Variants in TEX11 observed in about 807,000 individuals in gnomAD.
TEX11 encodes testis-expressed protein 11.
In TEX11, 7 loss-of-function variants were observed where a neutral mutation model predicts 84.4. The ratio of observed to expected loss-of-function variants is 0.08; its 90% confidence interval spans 0.05 to 0.16. TEX11 has a LOEUF of 0.16. Among genes scored for constraint, TEX11 ranks in the 10% least tolerant of loss-of-function variants. TEX11 has a pLI of 1.00. For synonymous variants in TEX11, 264 were observed against 222.8 expected, an observed-to-expected ratio of 1.18 and a Z score of -1.64; for missense variants, 551 against 660.5, an observed-to-expected ratio of 0.83 and a Z score of 1.82.
chrX:70,687,179 G>GAC (rs1225401462), intron 13 of TEX11, among the ~76,000 whole-genome samples: 6 of 109,601 alleles, frequency 5.5e-5, no homozygotes, highest in South Asian at 3.9e-4. Flanking sequence ...CACACACACA[G>GAC]ACACACACAC....
intron 11 of TEX11, among the ~76,000 whole-genome samples, chrX:70,727,743 G>A (rs747520339): frequency 8.1e-5 from 9 of 110,691 alleles, no homozygotes; most frequent in Admixed American, 3.8e-4. Flanking sequence ...AGACATGAGA[G>A]AGATGAGAGA....
chrX:70,625,455 C>A (rs1173265159), intron 18 of TEX11, among the ~76,000 whole-genome samples: 1 of 111,607 alleles, frequency 9.0e-6, no homozygotes, highest in African/African-American at 3.3e-5. Flanking sequence ...TAGGTTTCTG[C>A]CAAGGATGCT....
intron 8 of TEX11, among the ~76,000 whole-genome samples, chrX:70,813,688 A>G (rs2091270648): frequency 8.9e-6 from 1 of 111,743 alleles, no homozygotes; most frequent in African/African-American, 3.3e-5. Context: ...ATGATTGTAT[A>G]TCTAGAAAAC....
intron 25 of TEX11, among the ~76,000 whole-genome samples, chrX:70,575,706 T>C (rs745310694): frequency 7.1e-5 from 8 of 111,933 alleles, no homozygotes; most frequent in Non-Finnish European, 1.3e-4. Context: ...AGGTGTTTTG[T>C]TACAGCAGCA....
At chrX:70,802,434 G>A (rs775682581) in intron 9 of TEX11, among the ~76,000 whole-genome samples, 4 of 111,251 alleles carry the variant, frequency 3.6e-5, no homozygotes, top group Non-Finnish European at 7.5e-5. Context: ...CAACTTGATC[G>A]TAGTAATCAT....
chrX:70,543,569 C>T (rs1009610948), intron 28 of TEX11, among the ~76,000 whole-genome samples: 7 of 112,072 alleles, frequency 6.2e-5, no homozygotes, highest in Admixed American at 3.8e-4. Context: ...CCTATTCATC[C>T]GAGAAGACAG....
intron 9 of TEX11, among the ~76,000 whole-genome samples, chrX:70,757,064 T>TA (rs759117977): frequency 9.0e-6 from 1 of 111,523 alleles, no homozygotes; most frequent in African/African-American, 3.3e-5. Context: ...AAAACAAAGT[T>TA]AGAGAGAAAA....
At chrX:70,696,797 C>A (rs2090284560) in intron 13 of TEX11, among the ~76,000 whole-genome samples, 1 of 110,531 alleles carries the variant, frequency 9.0e-6, no homozygotes, top group African/African-American at 3.3e-5. Context: ...AAACAAACAA[C>A]AAAAAAACCC....
chrX:70,703,479 G>A (rs1387290836), intron 13 of TEX11, among the ~76,000 whole-genome samples: 1 of 110,884 alleles, frequency 9.0e-6, no homozygotes, highest in Non-Finnish European at 1.9e-5. Context: ...TACTACTTCC[G>A]TTATATATTA....
intron 5 of TEX11, among the ~76,000 whole-genome samples, chrX:70,858,941 G>A (rs781414544): frequency 2.7e-5 from 3 of 110,936 alleles, no homozygotes; most frequent in Non-Finnish European, 5.7e-5. Context: ...GGGAGGCTGA[G>A]GCAGGAGAAT....
chrX:70,560,440 G>C (rs139644334), intron 25 of TEX11, among the ~76,000 whole-genome samples: 1,232 of 111,150 alleles, frequency 0.011, 13 homozygotes, highest in African/African-American at 0.039. Flanking sequence ...ACGAGCCACT[G>C]TGCCCAGCCA....
chrX:70,615,678 A>C (rs2089309928), intron 20 of TEX11, among the ~76,000 whole-genome samples: 1 of 112,070 alleles, frequency 8.9e-6, no homozygotes, highest in Non-Finnish European at 1.9e-5. Context: ...ATCCAAGTAC[A>C]AGAAAGTTAC....
At chrX:70,752,084 A>C (rs934615321) in intron 9 of TEX11, among the ~76,000 whole-genome samples, 3 of 112,052 alleles carry the variant, frequency 2.7e-5, no homozygotes, top group African/African-American at 6.5e-5. Flanking sequence ...GAAGAAATGA[A>C]GTGAACCAAA....
At chrX:70,859,580 C>CAAA (rs760041212) in intron 5 of TEX11, among the ~76,000 whole-genome samples, 1 of 35,013 alleles carries the variant, frequency 2.9e-5, no homozygotes, top group Non-Finnish European at 7.0e-5. Context: ...AGATCCTGTC[C>CAAA]AAAAAAAAAA....
At chrX:70,843,030 A>G (rs2091456580) in intron 7 of TEX11, among the ~76,000 whole-genome samples, 7 of 112,046 alleles carry the variant, frequency 6.2e-5, no homozygotes. Flanking sequence ...GAAAGAATCA[A>G]TATCGTGAAA....
intron 17 of TEX11, among the ~76,000 whole-genome samples, chrX:70,632,780 G>A (rs900208788): frequency 9.0e-6 from 1 of 110,831 alleles, no homozygotes; most frequent in African/African-American, 3.3e-5. Flanking sequence ...ATAATATGGG[G>A]GATATTATGA....
intron 17 of TEX11, among the ~76,000 whole-genome samples, chrX:70,642,807 A>T (rs1354173437): frequency 2.3e-5 from 1 of 42,961 alleles, no homozygotes; most frequent in African/African-American, 9.1e-5. Context: ...ACCCACAGCC[A>T]ATATCATACT....
chrX:70,525,820 A>C (rs2087817070), downstream of TEX11, among the ~76,000 whole-genome samples: 2 of 112,420 alleles, frequency 1.8e-5, no homozygotes, highest in Non-Finnish European at 3.8e-5. Context: ...GGGAACTGAC[A>C]CATGAGCCGA....
intron 16 of TEX11, among the ~76,000 whole-genome samples, chrX:70,665,588 T>G (rs1233480628): frequency 8.9e-6 from 1 of 111,949 alleles, no homozygotes; most frequent in Non-Finnish European, 1.9e-5. Flanking sequence ...TTTTTATTTA[T>G]ACAATTTAGA....
Sources: allele counts gnomAD v4.1 joint callset (sites outside exome capture counted in the v4.1 genomes callset), GRCh38; gene constraint gnomAD v4.1.1; transcripts MANE v1.5; gene names NCBI Gene and HGNC (gene_info 2026-07-23, HGNC 2026-07-21).